FRMPD4: variants seen among roughly 807,000 people sequenced by gnomAD.
FRMPD4 encodes the protein FERM and PDZ domain containing 4, also known as FERM and PDZ domain-containing protein 4.
FRMPD4 carries 22 observed loss-of-function variants against 94.1 expected under a neutral mutation model. That is an observed-to-expected ratio of 0.23 (90% CI 0.17 to 0.33). The LOEUF (loss-of-function observed/expected upper bound fraction) is 0.33, where lower values mean the gene tolerates loss of function less well. Among genes scored for constraint, FRMPD4 ranks in the 10% least tolerant of loss-of-function variants. The probability of loss-of-function intolerance (pLI) is 1.00; values close to 1 mark genes in which losing one functional copy is unlikely to be tolerated. For synonymous variants in FRMPD4, 631 were observed against 548.6 expected, an observed-to-expected ratio of 1.15 and a Z score of -2.10; for missense variants, 1,111 against 1,339.9, an observed-to-expected ratio of 0.83 and a Z score of 2.67.
At chrX:11,886,603 T>C (rs897997576) in intron 3 of FRMPD4, among the ~76,000 whole-genome samples, 1 of 111,435 alleles carries the variant, frequency 9.0e-6, no homozygotes, top group African/African-American at 3.3e-5. Context: ...GCTAATGGGT[T>C]AGAAATTCTG....
At chrX:12,670,960 T>C (rs961542677) in intron 4 of FRMPD4, among the ~76,000 whole-genome samples, 3 of 112,568 alleles carry the variant, frequency 2.7e-5, no homozygotes. Flanking sequence ...AAAGAAGATA[T>C]TTATGCGGCC....
chrX:12,554,130 T>C (rs943223078), intron 2 of FRMPD4, among the ~76,000 whole-genome samples: 3 of 112,244 alleles, frequency 2.7e-5, no homozygotes, highest in East Asian at 2.8e-4. Context: ...ACAAACATCA[T>C]TGCCCTTGAA....
chrX:12,316,767 CTT>C (rs770337145), intron 1 of FRMPD4, among the ~76,000 whole-genome samples: 2 of 100,140 alleles, frequency 2.0e-5, no homozygotes, highest in Non-Finnish European at 2.0e-5. Context: ...AGTTGTTTTA[CTT>C]TTTTTTTTTT....
At chrX:11,862,988 ATCTC>A (rs199555275) in intron 1 of FRMPD4, among the ~76,000 whole-genome samples, 1 of 31,114 alleles carries the variant, frequency 3.2e-5, no homozygotes, top group Admixed American at 4.5e-4. Flanking sequence ...TTTTTGATGC[ATCTC>A]TCTCTCTTTT....
At chrX:12,563,239 TACACACACACACACACACAC>T (rs369700317) in intron 2 of FRMPD4, among the ~76,000 whole-genome samples, 3 of 97,248 alleles carry the variant, frequency 3.1e-5, no homozygotes, top group African/African-American at 1.2e-4. Flanking sequence ...TGTAAGTGTG[TACACACACACACACACACAC>T]ACACACACAC....
chrX:12,025,361 T>A (rs1354589380), intron 3 of FRMPD4, among the ~76,000 whole-genome samples: 2 of 110,150 alleles, frequency 1.8e-5, no homozygotes, highest in South Asian at 7.8e-4. Context: ...CTCTTAGGTA[T>A]CTCAGAGGCC....
Position 12,537,444 on chromosome X carries a change from T to TA in FRMPD4, c.158+38648_158+38649insA, listed in dbSNP as rs1179200536. 3.4e-3 allele frequency among the ~76,000 whole-genome samples: 351 copies of TA among 102,119 alleles called. 3 individuals are homozygous for TA. The highest frequency in any genetic ancestry group is 0.011 in the African/African-American group (305 of 27,013). The allele number at this position is 102,119 out of a possible 115,157, so 88.7% of individuals were successfully genotyped here. ...TATATGTGTATTCCAACAATATATATTTTTTTTTTCCTTTTTTTTTTTTTT... is the reference window on the plus strand; with the variant it reads ...TATATGTGTATTCCAACAATATATATATTTTTTTTTCCTTTTTTTTTTTTTT... On this transcript the variant is annotated intron_variant, in intron 2 of 16. Coordinates refer to ENST00000675598, the MANE Select transcript of FRMPD4 (RefSeq NM_001368397.1).
At chrX:12,216,508 A>G (rs983187667) in intron 1 of FRMPD4, among the ~76,000 whole-genome samples, 1 of 111,843 alleles carries the variant, frequency 8.9e-6, no homozygotes, top group African/African-American at 3.2e-5. Flanking sequence ...GGCCATACCT[A>G]TCACCAATGA....
intron 3 of FRMPD4, among the ~76,000 whole-genome samples, chrX:12,117,583 G>C (rs1194011180): frequency 9.0e-6 from 1 of 111,482 alleles, no homozygotes; most frequent in Non-Finnish European, 1.9e-5. Flanking sequence ...AGGACACATT[G>C]CCATTTCAAT....
rs143711033 is a variant in FRMPD4 at position 12,688,991 on chromosome X, T to G, written c.682-1204T>G. ...CAAATCATTCTTTACTGTGGGGCTG[T>G]CTCTGCATTGCAAGATGTTGAGCAG... On this transcript the variant is annotated intron_variant, in intron 7 of 16. Coordinates refer to ENST00000675598, the MANE Select transcript of FRMPD4 (RefSeq NM_001368397.1). Among the ~76,000 whole-genome samples the G allele has an allele frequency of 1.3e-3, 146 of 111,102 alleles. 3 individuals are homozygous for G. In the East Asian group the frequency reaches 0.039, roughly 30 times the overall value.
At chrX:12,285,555 G>A (rs1247282334) in intron 1 of FRMPD4, among the ~76,000 whole-genome samples, 2 of 111,395 alleles carry the variant, frequency 1.8e-5, no homozygotes, top group Admixed American at 9.5e-5. Flanking sequence ...TTTGATGTGC[G>A]TGTGTTCATG....
intron 1 of FRMPD4, among the ~76,000 whole-genome samples, chrX:12,387,561 T>C (rs140926574): frequency 0.086 from 9,593 of 111,537 alleles, 386 homozygotes; most frequent in Non-Finnish European, 0.13. Context: ...CAATAAGAAA[T>C]GCATAATTCA....
At chrX:12,276,850 G>A (rs1229215764) in intron 1 of FRMPD4, among the ~76,000 whole-genome samples, 1 of 111,326 alleles carries the variant, frequency 9.0e-6, no homozygotes, top group East Asian at 2.8e-4. Flanking sequence ...GGCCGGGCGC[G>A]GTGGCTCACG....
chrX:12,353,420 C>T (rs2055845028), intron 1 of FRMPD4, among the ~76,000 whole-genome samples: 2 of 111,981 alleles, frequency 1.8e-5, no homozygotes, highest in South Asian at 7.5e-4. Flanking sequence ...TTCCCAAAAG[C>T]GTGACTTCTG....
In FRMPD4 at chrX:12,492,078, A is replaced by T. The variant is rs146101971; in HGVS notation, c.42-6602A>T. On this transcript the variant is annotated intron_variant, in intron 1 of 16. Coordinates refer to ENST00000675598, the MANE Select transcript of FRMPD4 (RefSeq NM_001368397.1). The stretch of plus-strand genomic sequence containing the variant: ...GAGAATTCAGTGAACTAAGAGATGC[A>T]AATGCACAGTACAAAATTCAAATGT... 7.0e-4 allele frequency among the ~76,000 whole-genome samples: 78 copies of T among 112,067 alleles called. 1 individual carries two copies. Among genetic ancestry groups the T allele is most frequent in the African/African-American group, 2.5e-3 (76 of 30,831 alleles).
chrX:12,470,936 T>A (rs906933689), intron 1 of FRMPD4, among the ~76,000 whole-genome samples: 5 of 112,176 alleles, frequency 4.5e-5, no homozygotes, highest in African/African-American at 1.6e-4. Flanking sequence ...TATCTAGTCA[T>A]CCATCCATCT....
intron 4 of FRMPD4, among the ~76,000 whole-genome samples, chrX:12,655,436 C>T (rs996598789): frequency 9.0e-6 from 1 of 110,896 alleles, no homozygotes; most frequent in Non-Finnish European, 1.9e-5. Context: ...CGAGGATCCT[C>T]TTGTTGGTTT....
At chrX:12,408,931 C>A (rs768914223) in intron 1 of FRMPD4, among the ~76,000 whole-genome samples, 14 of 110,960 alleles carry the variant, frequency 1.3e-4, no homozygotes, top group Middle Eastern at 4.7e-3. Context: ...AATATCCCCC[C>A]CTTGGCTAGT....
intron 1 of FRMPD4, among the ~76,000 whole-genome samples, chrX:12,167,148 G>A (rs1168396168): frequency 1.4e-4 from 16 of 111,480 alleles, no homozygotes; most frequent in African/African-American, 5.2e-4. Context: ...TGATGTTAGG[G>A]TCTTGATTTT....
Sources: gnomAD v4.1 joint callset for allele counts (sites outside exome capture counted in the v4.1 genomes callset) on GRCh38, gnomAD v4.1.1 for gene constraint, MANE v1.5 for transcripts, NCBI Gene and HGNC (gene_info 2026-07-23, HGNC 2026-07-21) for gene names.